Variants in FAM228B observed in about 807,000 individuals in gnomAD.
The protein encoded by FAM228B is protein FAM228B.
A neutral mutation model predicts 42.6 loss-of-function variants in FAM228B; 38 were observed. The observed-to-expected ratio is 0.89, with a 90% CI of 0.69 to 1.17. FAM228B has a LOEUF of 1.17. Among genes scored for constraint, FAM228B ranks in the 50% most tolerant of loss-of-function variants. The pLI is 0.00. For missense variants in FAM228B, 344 were observed against 367.3 expected (o/e 0.94, Z 0.52); for synonymous variants, 109 against 122.3 (o/e 0.89, Z 0.72).
At position 24,080,221 on chromosome 2, in the gene FAM228B, G is replaced by T. The variant is rs925250636; in HGVS notation, c.-289-655G>T. Among the ~76,000 whole-genome samples the T allele has an allele frequency of 6.6e-6, 1 of 152,070 alleles. No individual in the cohort carries two copies. Among genetic ancestry groups the T allele is most frequent in the African/African-American group, 2.4e-5 (1 of 41,394 alleles). The stretch of plus-strand genomic sequence containing the variant: ...AAAATACAAAAATTAGCTGGGCGTG[G>T]TGGTGCGCCTGTGATCTCAGCTACT... On this transcript the variant is annotated intron_variant, in intron 1 of 10. Transcript: ENST00000613899. This position sits in a 1 kb window ranked among gnomAD's most constrained non-coding sequence, Gnocchi z 4.7.
intron 2 of FAM228B, among the ~76,000 whole-genome samples, chr2:24,081,974 C>T (rs1458790558): frequency 2.6e-5 from 4 of 151,486 alleles, no homozygotes; most frequent in African/African-American, 2.4e-5. Context: ...GGATTACAGG[C>T]GTGAGCCACC....
intron 3 of FAM228B, among the ~76,000 whole-genome samples, chr2:24,100,114 A>C (rs1665576047): frequency 1.3e-5 from 2 of 151,796 alleles, no homozygotes; most frequent in Non-Finnish European, 2.9e-5. Context: ...ATAAAAAATT[A>C]ATTCAAGATG....
intron 2 of FAM228B, among the ~76,000 whole-genome samples, chr2:24,129,194 A>C (rs1558383473): frequency 1.4e-5 from 2 of 147,354 alleles, no homozygotes; most frequent in South Asian, 2.2e-4. Flanking sequence ...TCCCATCCCC[A>C]CTCCTCAATT....
chr2:24,124,268 T>C, intron 1 of FAM228B, 62 bp from the exon 2 acceptor site: 1 of 840,274 alleles, frequency 1.2e-6, no homozygotes, highest in African/African-American at 1.7e-5. Flanking sequence ...ACAGGTGGTA[T>C]TAAACAGAAG....
chr2:24,115,322 G>C (rs1162881862), intron 3 of FAM228B: 1 of 445,820 alleles, frequency 2.2e-6, no homozygotes, highest in Non-Finnish European at 4.1e-6. Flanking sequence ...ACAGAAAGGA[G>C]CCTCCCAATA....
Position 24,115,544 on chromosome 2 carries a change from C to T in FAM228B, c.-120-19575C>T, listed in dbSNP as rs371600660. The T allele has an allele frequency of 3.5e-4, 560 of 1,578,808 alleles. 3 individuals are homozygous for T. Among genetic ancestry groups the T allele is most frequent in the Middle Eastern group, 2.6e-3 (12 of 4,656 alleles). On this transcript the variant is annotated intron_variant, in intron 3 of 10. Transcript: ENST00000613899. ...TTTCTTTAGGCTCTTCAATTTTCTT[C>T]TAAAATAATAAAATTGTCTTTCATG...
intron 3 of FAM228B, among the ~76,000 whole-genome samples, chr2:24,137,158 G>T (rs543974840): frequency 1.3e-5 from 2 of 152,086 alleles, no homozygotes; most frequent in African/African-American, 2.4e-5. Context: ...AATAAATGTG[G>T]TATGTATATA....
intron 2 of FAM228B, among the ~76,000 whole-genome samples, chr2:24,126,808 GTAGA>G (rs1179897646): frequency 2.9e-5 from 3 of 102,696 alleles, no homozygotes; most frequent in Non-Finnish European, 5.9e-5. Flanking sequence ...CAAAAAAAAA[GTAGA>G]GAGGGGTTTC....
intron 1 of FAM228B, chr2:24,079,323 G>T (rs545469697): frequency 9.7e-7 from 1 of 1,033,176 alleles, no homozygotes; most frequent in South Asian, 1.7e-5. Flanking sequence ...TTCAGAGGGG[G>T]AGGTTTCTTC....
intron 5 of FAM228B, among the ~76,000 whole-genome samples, chr2:24,144,327 C>T (rs2151022414): frequency 6.6e-6 from 1 of 152,152 alleles, no homozygotes; most frequent in African/African-American, 2.4e-5. Context: ...GTCCCAGCCA[C>T]TCGGGAGGTG....
Position 24,169,406 on chromosome 2 carries a change from AC to A in FAM228B, c.*66del, listed in dbSNP as rs1667516482. 1 of 461,038 alleles carries A rather than the reference AC, an allele frequency of 2.2e-6. No homozygotes were observed. Among genetic ancestry groups the A allele is most frequent in the Non-Finnish European group, 4.6e-6 (1 of 219,110 alleles). The allele number at this position is 461,038 out of a possible 1,614,324, so 28.6% of individuals were successfully genotyped here. A position where few individuals can be genotyped will look rare whatever the true frequency, so the allele number is the denominator to read the frequency against. ...CCTGATCCTTGATTGGTGAAAGGAT[AC>A]ACAAAATCAGGCTGCTTCAGAGGAA... On this transcript the variant is annotated 3_prime_UTR_variant, in exon 11 of 11. Coordinates refer to ENST00000615575, the MANE Select transcript of FAM228B (RefSeq NM_001145710.2). The surrounding 1 kb of genome is among the most constrained non-coding windows in gnomAD (Gnocchi z 4.2).
intron 7 of FAM228B, among the ~76,000 whole-genome samples, chr2:24,152,641 T>C (rs1411188458): frequency 6.6e-6 from 1 of 152,242 alleles, no homozygotes; most frequent in African/African-American, 2.4e-5. Context: ...AGTCTCTCTC[T>C]CTGTGCTGAG....
chr2:24,120,408 C>T (rs1474633082), upstream of FAM228B, among the ~76,000 whole-genome samples: 3 of 152,160 alleles, frequency 2.0e-5, no homozygotes, highest in African/African-American at 7.2e-5. Flanking sequence ...GTTATTTAAC[C>T]TTGTTAAGCC....
chr2:24,093,783 A>AT (rs1313153814), intron 2 of FAM228B, among the ~76,000 whole-genome samples: 4 of 151,304 alleles, frequency 2.6e-5, no homozygotes, highest in South Asian at 4.2e-4. Context: ...AGCCTGGCTA[A>AT]TTTTTTTTGT....
At chr2:24,168,738 T>C (rs1203467635) in intron 10 of FAM228B, among the ~76,000 whole-genome samples, 2 of 152,100 alleles carry the variant, frequency 1.3e-5, no homozygotes, top group Non-Finnish European at 2.9e-5. Context: ...GATTTGATGA[T>C]GCTGGAGAGA....
At chr2:24,115,565 T>A in intron 3 of FAM228B, 1 of 1,606,750 alleles carries the variant, frequency 6.2e-7, no homozygotes, top group South Asian at 1.1e-5. Context: ...AAATTGTCTT[T>A]CATGGGCCTC....
chr2:24,130,809 C>G (rs1438798242), intron 2 of FAM228B, among the ~76,000 whole-genome samples: 1 of 152,118 alleles, frequency 6.6e-6, no homozygotes, highest in Non-Finnish European at 1.5e-5. Flanking sequence ...TTAATTAGAT[C>G]ACATTTGTCA....
chr2:24,078,534 T>G (rs988698797), intron 1 of FAM228B, among the ~76,000 whole-genome samples: 1 of 149,062 alleles, frequency 6.7e-6, no homozygotes, highest in Admixed American at 6.7e-5. Context: ...AATCTGCTGG[T>G]ATCAATTTGG....
In FAM228B at chr2:24,081,008, CAT is replaced by C. The variant is rs775776364; in HGVS notation, c.-210+55_-210+56del. ...CCACTCAGTCCTGCATGGATTAGCA[CAT>C]AGTCTCCAGCCTGAACATTTCCTGT... On this transcript the variant is annotated intron_variant, in intron 2 of 10. Coordinates refer to the FAM228B transcript ENST00000613899. 1.2e-5 allele frequency: 20 copies of C among 1,614,108 alleles called. No homozygotes were observed. In the South Asian group the frequency reaches 1.8e-4, roughly 14 times the overall value.
Sources: gnomAD v4.1 joint callset for allele counts (sites outside exome capture counted in the v4.1 genomes callset) on GRCh38, gnomAD v4.1.1 for gene constraint, Gnocchi (gnomAD v3.1) non-coding constraint, MANE v1.5 for transcripts, NCBI Gene and HGNC (gene_info 2026-07-23, HGNC 2026-07-21) for gene names.